NPAT: variants seen among roughly 807,000 people sequenced by gnomAD.
The protein encoded by NPAT is protein NPAT.
NPAT carries 52 observed loss-of-function variants against 130.7 expected under a neutral mutation model. The observed-to-expected ratio is 0.40, with a 90% CI of 0.32 to 0.50. The LOEUF (loss-of-function observed/expected upper bound fraction) is 0.50. Among genes scored for constraint, NPAT ranks in the 20% least tolerant of loss-of-function variants. The pLI is 0.68. For missense variants in NPAT, 1,687 were observed against 1,662.6 expected (o/e 1.01, Z -0.26); for synonymous variants, 580 against 584.8 (o/e 0.99, Z 0.12).
intron 15 of NPAT, among the ~76,000 whole-genome samples, chr11:108,168,823 G>A (rs1256950683): frequency 6.6e-6 from 1 of 152,180 alleles, no homozygotes; most frequent in African/African-American, 2.4e-5. Flanking sequence ...AGTATAAGGT[G>A]AGCAGCAACT....
chr11:108,169,657 G>T, intron 15 of NPAT, 87 bp downstream of exon 15: 1 of 949,972 alleles, frequency 1.1e-6, no homozygotes, highest in Non-Finnish European at 1.7e-6. Flanking sequence ...AATGGTTTAG[G>T]TATTCAGAAA....
rs562553370 is a variant in NPAT at position 108,185,763 on chromosome 11, C to T, written c.727-269G>A. 1.4e-3 allele frequency among the ~76,000 whole-genome samples: 206 copies of T among 152,342 alleles called. 5 individuals carry two copies. In the South Asian group the frequency reaches 0.021, roughly 15 times the overall value. On this transcript the variant is annotated intron_variant, in intron 8 of 17. Coordinates refer to ENST00000278612, the MANE Select transcript of NPAT (RefSeq NM_002519.3). Reference sequence around the variant, plus strand: ...TAAATGCCCTATTTTTACAGTGTCGCTCTATAGCCCAGCCTGGAGTACAGT... The same window carrying T: ...TAAATGCCCTATTTTTACAGTGTCGTTCTATAGCCCAGCCTGGAGTACAGT...
At chr11:108,191,285 T>A (rs2078166900) in intron 4 of NPAT, among the ~76,000 whole-genome samples, 1 of 152,218 alleles carries the variant, frequency 6.6e-6, no homozygotes, top group Non-Finnish European at 1.5e-5. Flanking sequence ...TTTATGACTA[T>A]GAAATTATTT....
chr11:108,162,766 A>G lies in NPAT; in HGVS notation c.3011-586T>C, dbSNP rs111383843. 7.5e-3 allele frequency among the ~76,000 whole-genome samples: 1,136 copies of G among 152,296 alleles called. 8 individuals carry two copies. The highest frequency in any genetic ancestry group is 0.024 in the African/African-American group (1,012 of 41,556). ...TTATAAATCCAGTCTTTGGATCTAC[A>G]AATTACAATGCTCAATATAGCACAT... On this transcript the variant is annotated intron_variant, in intron 15 of 17. Transcript: ENST00000278612.
chr11:108,162,269 A>T, intron 15 of NPAT, 89 bp from the exon 16 acceptor site: 1 of 1,184,160 alleles, frequency 8.4e-7, no homozygotes, highest in Non-Finnish European at 1.2e-6. Context: ...TATCATGAGA[A>T]AAAATTTTAA....
At chr11:108,200,639 G>A (rs1352348895) in intron 1 of NPAT, among the ~76,000 whole-genome samples, 8 of 152,142 alleles carry the variant, frequency 5.3e-5, no homozygotes, top group Non-Finnish European at 1.2e-4. Context: ...AGTTAGGAAA[G>A]GGCTAGAAGC....
At chr11:108,200,748 G>A (rs2078268692) in intron 1 of NPAT, among the ~76,000 whole-genome samples, 1 of 152,172 alleles carries the variant, frequency 6.6e-6, no homozygotes, top group Admixed American at 6.5e-5. Context: ...AAAGGAAGGA[G>A]ACTGGTCCAA....
chr11:108,161,002 A>T lies in NPAT; in HGVS notation c.4084T>A (p.Ser1362Thr). The part of the protein sequence containing the change: ...LKDNTQQFRA[S>T]SRSTTKKRKI... ...CGCTTTTTTGTGGTGCTCCTTGAAG[A>T]TGCTCTAAACTGTTGTGTGTTATCT... The change falls in exon 17 of 18, where the codon TCT (serine) becomes ACT (threonine). Residue 1362 changes from serine to threonine, a missense_variant. Physicochemically the swap from Ser to Thr is moderately conservative, Grantham distance 58 (BLOSUM62 1). Coordinates refer to ENST00000278612, the MANE Select transcript of NPAT (RefSeq NM_002519.3). 6.2e-7 allele frequency: 1 copy of T among 1,614,154 alleles called. No individual in the cohort carries two copies. Among genetic ancestry groups the T allele is most frequent in the Non-Finnish European group, 8.5e-7 (1 of 1,180,028 alleles).
At chr11:108,179,245 T>C (rs2078036490) in intron 10 of NPAT, among the ~76,000 whole-genome samples, 1 of 152,238 alleles carries the variant, frequency 6.6e-6, no homozygotes, top group African/African-American at 2.4e-5. Context: ...CCATTCATTT[T>C]GAGCTAATTT....
intron 10 of NPAT, among the ~76,000 whole-genome samples, chr11:108,183,583 C>T (rs1262094188): frequency 6.6e-6 from 1 of 152,164 alleles, no homozygotes; most frequent in Non-Finnish European, 1.5e-5. Context: ...AGGCAGATCA[C>T]TTGAGGCCAG....
chr11:108,206,155 T>C (rs1431658026), intron 1 of NPAT, among the ~76,000 whole-genome samples: 3 of 152,262 alleles, frequency 2.0e-5, no homozygotes, highest in Non-Finnish European at 4.4e-5. Context: ...AATATGGGCA[T>C]ATAATGTATG....
intron 1 of NPAT, among the ~76,000 whole-genome samples, chr11:108,207,894 C>T (rs778324192): frequency 7.2e-5 from 11 of 152,312 alleles, no homozygotes; most frequent in South Asian, 2.1e-4. Flanking sequence ...GTGCTGCAGC[C>T]GGCGTCTTGG....
At chr11:108,186,809 T>A (rs1591400162) in intron 7 of NPAT, among the ~76,000 whole-genome samples, 1 of 152,180 alleles carries the variant, frequency 6.6e-6, no homozygotes, top group African/African-American at 2.4e-5. Context: ...TATAGGCAGG[T>A]TTTACTACTA....
chr11:108,192,602 C>T (rs1412587239), intron 3 of NPAT, among the ~76,000 whole-genome samples: 1 of 152,012 alleles, frequency 6.6e-6, no homozygotes, highest in Non-Finnish European at 1.5e-5. Flanking sequence ...AAATTTAATC[C>T]TCAATTTTCT....
intron 3 of NPAT, among the ~76,000 whole-genome samples, chr11:108,192,827 G>A (rs754370902): frequency 1.3e-5 from 2 of 152,042 alleles, no homozygotes; most frequent in East Asian, 1.9e-4. Flanking sequence ...GGTGGCGTGC[G>A]CCTATAGTCC....
At chr11:108,208,491 G>C (rs1451100844) in intron 1 of NPAT, 2 of 455,720 alleles carry the variant, frequency 4.4e-6, no homozygotes, top group Non-Finnish European at 8.8e-6. Flanking sequence ...TGGAGGTGGA[G>C]GTGGGAGGAT....
Position 108,161,719 on chromosome 11 carries a change from G to C in NPAT, c.3367C>G (p.Pro1123Ala). ...GATTTAGATAAAATCTTAGGCAGAG[G>C]AGGCTTCTCTTTCTCTCTTTTGATA... is the stretch of plus-strand genomic sequence containing the variant. ...NAIKREKEKP[P>A]LPKILSKSES... The change falls in exon 17 of 18, where the codon CCT becomes GCT. Residue 1123 changes from proline (P) to alanine (A), a missense_variant. Physicochemically the swap from Pro to Ala is conservative, Grantham distance 27. Around this residue, in one of 3 missense-constraint regions of NPAT, gnomAD observed 1,379 missense variants for 1,346.6 expected, o/e 1.02. Coordinates refer to ENST00000278612, the MANE Select transcript of NPAT (RefSeq NM_002519.3). 5 of 1,613,774 alleles carry C rather than the reference G, an allele frequency of 3.1e-6. No individual in the cohort carries two copies. The highest frequency in any genetic ancestry group is 4.2e-6 in the Non-Finnish European group (5 of 1,180,020).
chr11:108,220,549 A>G lies in NPAT; in HGVS notation c.37+1951T>C, dbSNP rs2078474219. Among the ~76,000 whole-genome samples, 4 of 152,206 alleles carry G rather than the reference A, an allele frequency of 2.6e-5. No individual in the cohort carries two copies. In the South Asian group the frequency reaches 8.3e-4, roughly 32 times the overall value. On this transcript the variant is annotated intron_variant, in intron 1 of 17. Transcript: ENST00000278612. ...ACTAGGCACCCAAAGATTTGCTAGAAAAAAAACATTATGAAGGGACCAATA... is the reference window on the plus strand; with the variant it reads ...ACTAGGCACCCAAAGATTTGCTAGAGAAAAAACATTATGAAGGGACCAATA...
Position 108,158,779 on chromosome 11 carries a change from C to G in NPAT, c.*163G>C. ...TATACCAAGTAAGTCTATTTACAAA[C>G]TAGGAAGCTGTTTCAGAAACAGCAT... On this transcript the variant is annotated 3_prime_UTR_variant, in exon 18 of 18. Transcript: ENST00000278612. 1.7e-6 allele frequency: 1 copy of G among 576,032 alleles called. No homozygotes were observed. Among genetic ancestry groups the G allele is most frequent in the South Asian group, 2.0e-5 (1 of 49,666 alleles). The allele number at this position is 576,032 out of a possible 1,614,324, so 35.7% of individuals were successfully genotyped here.
Sources: gnomAD v4.1 joint callset for allele counts (sites outside exome capture counted in the v4.1 genomes callset) on GRCh38, gnomAD v4.1.1 for gene constraint, gnomAD v4.1.1 regional missense constraint, MANE v1.5 for transcripts, NCBI Gene and HGNC (gene_info 2026-07-23, HGNC 2026-07-21) for gene names.